The following NLGN1 variants were observed in gnomAD, a reference collection of about 807,000 sequenced individuals.
NLGN1 encodes neuroligin 1.
In NLGN1, 12 loss-of-function variants were observed where a neutral mutation model predicts 65.5. The observed-to-expected ratio is 0.18, with a 90% CI of 0.12 to 0.30. The LOEUF is 0.30. Ranked by LOEUF, NLGN1 falls within the 10% of genes least tolerant of loss-of-function variation. NLGN1 has a pLI of 1.00. For synonymous variants in NLGN1, 350 were observed against 359.5 expected, an observed-to-expected ratio of 0.97 and a Z score of 0.30; for missense variants, 750 against 1,007.1, an observed-to-expected ratio of 0.74 and a Z score of 3.46.
intron 4 of NLGN1, among the ~76,000 whole-genome samples, chr3:174,207,023 A>G (rs369617154): frequency 1.3e-5 from 2 of 152,146 alleles, no homozygotes; most frequent in African/African-American, 4.8e-5. Flanking sequence ...AAGATCCACA[A>G]TGAGTAAAAC....
At chr3:173,949,664 A>G (rs965441005) in intron 4 of NLGN1, among the ~76,000 whole-genome samples, 1 of 152,174 alleles carries the variant, frequency 6.6e-6, no homozygotes, top group African/African-American at 2.4e-5. Flanking sequence ...TGAAAATACT[A>G]AAAAGTATCT....
At position 173,480,302 on chromosome 3, in the gene NLGN1, C is replaced by T. The variant is rs544468362; in HGVS notation, c.-321+45224C>T. Among the ~76,000 whole-genome samples, 4 of 152,148 alleles carry T rather than the reference C, an allele frequency of 2.6e-5. No individual in the cohort carries two copies. In the South Asian group the frequency reaches 8.3e-4, roughly 32 times the overall value. On this transcript the variant is annotated intron_variant, in intron 2 of 6. Transcript: ENST00000457714. The stretch of plus-strand genomic sequence containing the variant: ...AGTGATCTAGAAGACAAATGTATGA[C>T]TTGCTTCCTGGAAAAGAAATGACGA...
intron 4 of NLGN1, among the ~76,000 whole-genome samples, chr3:174,255,834 G>A (rs1187453027): frequency 6.6e-6 from 1 of 151,656 alleles, no homozygotes; most frequent in Non-Finnish European, 1.5e-5. Context: ...AATTTTTGCA[G>A]TTTTTATATA....
chr3:174,081,101 G>GT (rs1742094568), intron 4 of NLGN1, among the ~76,000 whole-genome samples: 1 of 152,070 alleles, frequency 6.6e-6, no homozygotes, highest in Admixed American at 6.6e-5. Context: ...CAGTGGATAA[G>GT]TTGCATCCTT....
intron 4 of NLGN1, among the ~76,000 whole-genome samples, chr3:173,962,938 G>T (rs1713949825): frequency 6.6e-6 from 1 of 152,214 alleles, no homozygotes; most frequent in Non-Finnish European, 1.5e-5. Context: ...TAGTAAATCA[G>T]ATCAAGTTCA....
chr3:173,950,409 A>G (rs1248159945), intron 4 of NLGN1, among the ~76,000 whole-genome samples: 1 of 152,242 alleles, frequency 6.6e-6, no homozygotes, highest in African/African-American at 2.4e-5. Context: ...TGCAAAAGTC[A>G]TGGCAGTTTT....
intron 3 of NLGN1, among the ~76,000 whole-genome samples, chr3:173,795,258 A>T (rs191196085): frequency 6.6e-6 from 1 of 152,256 alleles, no homozygotes; most frequent in East Asian, 1.9e-4. Flanking sequence ...TCCAAAATTC[A>T]CTTCCAATAT....
At chr3:174,159,028 C>T (rs1260659982) in intron 4 of NLGN1, among the ~76,000 whole-genome samples, 1 of 151,666 alleles carries the variant, frequency 6.6e-6, no homozygotes, top group Non-Finnish European at 1.5e-5. Context: ...AAAATCTTCT[C>T]TGGTTATTAG....
intron 4 of NLGN1, among the ~76,000 whole-genome samples, chr3:174,017,711 T>C (rs2152453722): frequency 6.6e-6 from 1 of 152,208 alleles, no homozygotes; most frequent in African/African-American, 2.4e-5. Context: ...CAAGTTTTTA[T>C]TAGTGATTTT....
intron 2 of NLGN1, among the ~76,000 whole-genome samples, chr3:173,472,016 A>T (rs1725393892): frequency 1.3e-5 from 2 of 152,184 alleles, no homozygotes; most frequent in African/African-American, 4.8e-5. Flanking sequence ...GGGTTAATAT[A>T]AAACTCACCA....
chr3:173,704,820 A>G (rs1196720279), intron 3 of NLGN1, among the ~76,000 whole-genome samples: 3 of 152,146 alleles, frequency 2.0e-5, no homozygotes, highest in Non-Finnish European at 2.9e-5. Context: ...ACCTTCTCAC[A>G]TGAAGTTACA....
intron 3 of NLGN1, among the ~76,000 whole-genome samples, chr3:173,803,700 A>C (rs1050866856): frequency 6.6e-6 from 1 of 152,124 alleles, no homozygotes; most frequent in Non-Finnish European, 1.5e-5. Context: ...GGTGTGTTTA[A>C]TTCTGTTATG....
intron 2 of NLGN1, among the ~76,000 whole-genome samples, chr3:173,530,174 T>C (rs147283414): frequency 0.012 from 1,761 of 152,174 alleles, 39 homozygotes; most frequent in African/African-American, 0.04. Context: ...AGGCTAGTTT[T>C]GAACTCCTGA....
At chr3:173,433,593 A>G (rs1577433602) in intron 1 of NLGN1, among the ~76,000 whole-genome samples, 2 of 152,028 alleles carry the variant, frequency 1.3e-5, no homozygotes, top group South Asian at 2.1e-4. Context: ...GCTATTTTAT[A>G]TTTTTGCTTG....
intron 4 of NLGN1, among the ~76,000 whole-genome samples, chr3:174,079,535 A>C (rs928039094): frequency 2.6e-5 from 4 of 152,214 alleles, no homozygotes; most frequent in African/African-American, 9.6e-5. Context: ...CAATCCCGTT[A>C]CTGGGTGTAT....
chr3:174,027,674 A>T (rs1047088239), intron 4 of NLGN1, among the ~76,000 whole-genome samples: 2 of 152,154 alleles, frequency 1.3e-5, no homozygotes, highest in African/African-American at 4.8e-5. Flanking sequence ...CCCCAAATAT[A>T]TTCAGGATGG....
chr3:174,195,126 G>T (rs1298329408), intron 4 of NLGN1, among the ~76,000 whole-genome samples: 1 of 152,114 alleles, frequency 6.6e-6, no homozygotes, highest in Non-Finnish European at 1.5e-5. Flanking sequence ...CTCCCAAAGT[G>T]CTGGGAATAC....
intron 2 of NLGN1, among the ~76,000 whole-genome samples, chr3:173,525,042 T>C (rs931380732): frequency 2.0e-5 from 3 of 152,212 alleles, no homozygotes; most frequent in Non-Finnish European, 2.9e-5. Flanking sequence ...TGCTGTTGTG[T>C]TCTTACCTGA....
At chr3:173,658,770 G>A (rs530454327) in intron 3 of NLGN1, among the ~76,000 whole-genome samples, 7 of 152,116 alleles carry the variant, frequency 4.6e-5, no homozygotes, top group Non-Finnish European at 8.8e-5. Context: ...CAGTGCTAGA[G>A]TACTGCTCTA....
Sources: gnomAD v4.1 joint callset for allele counts (sites outside exome capture counted in the v4.1 genomes callset) on GRCh38, gnomAD v4.1.1 for gene constraint, MANE v1.5 for transcripts, NCBI Gene and HGNC (gene_info 2026-07-23, HGNC 2026-07-21) for gene names.